PTPRD: variants seen among roughly 807,000 people sequenced by gnomAD.
PTPRD encodes the protein receptor-type tyrosine-protein phosphatase delta.
Under a neutral mutation model 214.5 loss-of-function variants are expected in PTPRD, and 34 were observed. The ratio of observed to expected loss-of-function variants is 0.16; its 90% CI spans 0.12 to 0.21. The LOEUF (loss-of-function observed/expected upper bound fraction) is 0.21, where lower values mean the gene tolerates loss of function less well. Among genes scored for constraint, PTPRD ranks in the 10% least tolerant of loss-of-function variants. PTPRD has a pLI of 1.00. For synonymous variants in PTPRD, 1,128 were observed against 845.7 expected, an observed-to-expected ratio of 1.33 and a Z score of -5.79; for missense variants, 2,545 against 2,398.7, an observed-to-expected ratio of 1.06 and a Z score of -1.27.
intron 11 of PTPRD, among the ~76,000 whole-genome samples, chr9:8,833,711 TATATACACACACAC>T (rs1281407367): frequency 2.3e-4 from 31 of 137,570 alleles, no homozygotes; most frequent in African/African-American, 3.8e-4. Flanking sequence ...TATATATATA[TATATACACACACAC>T]ACACACACAC....
chr9:9,248,903 G>A (rs1323842445), intron 9 of PTPRD, among the ~76,000 whole-genome samples: 2 of 152,030 alleles, frequency 1.3e-5, no homozygotes, highest in East Asian at 1.9e-4. Context: ...GAATCATGGA[G>A]CACTCAGTAC....
At chr9:9,006,366 C>G (rs948900701) in intron 11 of PTPRD, among the ~76,000 whole-genome samples, 7 of 151,986 alleles carry the variant, frequency 4.6e-5, no homozygotes, top group Admixed American at 3.3e-4. Flanking sequence ...ATGAACAAAA[C>G]ATATACTTTT....
At chr9:10,342,337 T>C (rs887467074) in intron 2 of PTPRD, among the ~76,000 whole-genome samples, 5 of 152,122 alleles carry the variant, frequency 3.3e-5, no homozygotes, top group African/African-American at 1.2e-4. Flanking sequence ...TTAACATGTT[T>C]GTAAATAAGC....
chr9:8,655,729 T>C (rs999369596), intron 12 of PTPRD, among the ~76,000 whole-genome samples: 1 of 151,386 alleles, frequency 6.6e-6, no homozygotes, highest in African/African-American at 2.4e-5. Context: ...CTCTCAACCA[T>C]TCCCACTTGC....
At chr9:8,513,037 T>C (rs1234383392) in intron 21 of PTPRD, among the ~76,000 whole-genome samples, 1 of 152,014 alleles carries the variant, frequency 6.6e-6, no homozygotes, top group East Asian at 1.9e-4. Context: ...TTTTCTAGCT[T>C]AATATAAATA....
intron 14 of PTPRD, among the ~76,000 whole-genome samples, chr9:8,620,469 T>C (rs1434372282): frequency 6.6e-6 from 1 of 152,032 alleles, no homozygotes; most frequent in Non-Finnish European, 1.5e-5. Flanking sequence ...ATTAAGAATT[T>C]ATAGTGTCTA....
At chr9:8,693,654 C>T (rs564228122) in intron 12 of PTPRD, among the ~76,000 whole-genome samples, 4 of 152,152 alleles carry the variant, frequency 2.6e-5, no homozygotes, top group Admixed American at 6.5e-5. Context: ...TCTCTGGTTA[C>T]GAGGAAATGT....
intron 3 of PTPRD, among the ~76,000 whole-genome samples, chr9:10,305,338 T>C (rs1305445218): frequency 2.3e-5 from 3 of 130,262 alleles, no homozygotes; most frequent in Non-Finnish European, 4.7e-5. Context: ...ATTCAGGACA[T>C]AGGCATGGGC....
rs73641312 is a variant in PTPRD, at chr9:9,528,227, A to G, written c.-237+46505T>C. On this transcript the variant is annotated intron_variant, in intron 8 of 45. Transcript: ENST00000381196. ...CCTTTCACTGAGCAATTGTCTGTGT[A>G]TTCATGAGAGAAAACTACCAGAGAT... Among the ~76,000 whole-genome samples, 1,196 of 152,294 alleles carry G rather than the reference A, an allele frequency of 7.9e-3. 23 individuals carry two copies. The highest frequency in any genetic ancestry group is 0.027 in the African/African-American group (1,132 of 41,546).
intron 3 of PTPRD, among the ~76,000 whole-genome samples, chr9:10,123,604 C>T (rs2098793433): frequency 6.6e-6 from 1 of 152,092 alleles, no homozygotes; most frequent in Admixed American, 6.6e-5. Context: ...AAAAAGAATC[C>T]ACCAACAATT....
chr9:8,705,546 T>G (rs1337568907), intron 12 of PTPRD, among the ~76,000 whole-genome samples: 1 of 152,236 alleles, frequency 6.6e-6, no homozygotes, highest in Non-Finnish European at 1.5e-5. Context: ...TCATTTTCCA[T>G]TTCTAAACCA....
Position 10,585,902 on chromosome 9 carries a change from T to C in PTPRD, c.-600+26496A>G, listed in dbSNP as rs143185347. 1.1e-4 allele frequency among the ~76,000 whole-genome samples: 17 copies of C among 152,222 alleles called. No individual in the cohort carries two copies. The East Asian group carries it at 3.3e-3, about 29-fold the overall frequency. On this transcript the variant is annotated intron_variant, in intron 2 of 45. Coordinates refer to ENST00000381196, the MANE Select transcript of PTPRD (RefSeq NM_002839.4). ...AAACAACATGCATGGGAAAGTCATA[T>C]GAAAATAAATTCCACTCAGTGATAT...
intron 3 of PTPRD, among the ~76,000 whole-genome samples, chr9:10,217,196 G>C (rs919416916): frequency 6.6e-6 from 1 of 151,286 alleles, no homozygotes; most frequent in Non-Finnish European, 1.5e-5. Flanking sequence ...TGTGAAACAT[G>C]TTTAAATGAT....
rs2097534250 is a variant in PTPRD at position 8,840,342 on chromosome 9, G to T, written c.-103-106396C>A. 2.0e-5 allele frequency among the ~76,000 whole-genome samples: 3 copies of T among 152,166 alleles called. 1 individual carries two copies. The South Asian group carries it at 6.2e-4, about 32-fold the overall frequency. On this transcript the variant is annotated intron_variant, in intron 11 of 45. Coordinates refer to ENST00000381196, the MANE Select transcript of PTPRD (RefSeq NM_002839.4). ...TCACAAGATTTGATGGTTTTAAAAA[G>T]AAGAGTTCCCCTGCACAAACTCTCT...
At chr9:8,376,868 C>T (rs2083408746) in intron 37 of PTPRD, 142 bp from the exon 38 acceptor site, 1 of 1,104,564 alleles carries the variant, frequency 9.1e-7, no homozygotes. Flanking sequence ...TTTGTTATCC[C>T]AATATATGTA....
chr9:8,736,563 T>C (rs1231490443), intron 11 of PTPRD, among the ~76,000 whole-genome samples: 1 of 152,250 alleles, frequency 6.6e-6, no homozygotes, highest in Non-Finnish European at 1.5e-5. Context: ...ATGTCATTTC[T>C]GAAACTCAGC....
At chr9:10,144,394 G>T (rs912941120) in intron 3 of PTPRD, among the ~76,000 whole-genome samples, 1 of 152,104 alleles carries the variant, frequency 6.6e-6, no homozygotes, top group South Asian at 2.1e-4. Flanking sequence ...GGACTTAGGA[G>T]CTGATCAAAT....
chr9:9,133,555 GC>G (rs1195097195), intron 10 of PTPRD, among the ~76,000 whole-genome samples: 4 of 152,156 alleles, frequency 2.6e-5, no homozygotes, highest in Admixed American at 1.3e-4. Context: ...GGCAAGGGAA[GC>G]TTTTTAAATG....
Position 9,756,864 on chromosome 9 carries a change from T to G in PTPRD, c.-326+9946A>C, listed in dbSNP as rs138928579. Among the ~76,000 whole-genome samples the G allele has an allele frequency of 1.2e-3, 190 of 152,284 alleles. 1 individual carries two copies. Among genetic ancestry groups the G allele is most frequent in the African/African-American group, 4.4e-3 (181 of 41,576 alleles). On this transcript the variant is annotated intron_variant, in intron 6 of 45. Transcript: ENST00000381196. ...CTCCACATTTTTCTAGACTGAACAT[T>G]AGTGACTTTCTACTGCAGAAGTTTT...
Sources: allele counts gnomAD v4.1 joint callset (sites outside exome capture counted in the v4.1 genomes callset), GRCh38; gene constraint gnomAD v4.1.1; transcripts MANE v1.5; gene names NCBI Gene and HGNC (gene_info 2026-07-23, HGNC 2026-07-21).